PEX7: variants seen among roughly 807,000 people sequenced by gnomAD.
PEX7 encodes the protein PTS2 receptor.
A neutral mutation model predicts 47.5 loss-of-function variants in PEX7; 34 were observed. The observed-to-expected ratio is 0.72, with a 90% CI of 0.54 to 0.95. PEX7 has a LOEUF of 0.95. Among genes scored for constraint, PEX7 ranks in the 40% least tolerant of loss-of-function variants. The pLI, the probability that PEX7 is intolerant of heterozygous loss-of-function variation, is 0.00. For synonymous variants in PEX7, 141 were observed against 148.8 expected, an observed-to-expected ratio of 0.95 and a Z score of 0.38; for missense variants, 394 against 400.3, an observed-to-expected ratio of 0.98 and a Z score of 0.13.
rs544617916 is a variant in PEX7, at chr6:136,846,963, A to G, written c.526+782A>G. The stretch of plus-strand genomic sequence containing the variant: ...ACTAGTTTACAGTCCCACCAACAGT[A>G]TAAAAGTGTTCCTATTTCTCCACAT... On this transcript the variant is annotated intron_variant, in intron 5 of 9. Coordinates refer to ENST00000318471, the MANE Select transcript of PEX7 (RefSeq NM_000288.4). Among the ~76,000 whole-genome samples, 60 of 152,264 alleles carry G rather than the reference A, an allele frequency of 3.9e-4. 1 individual carries two copies. Among genetic ancestry groups the G allele is most frequent in the Admixed American group, 8.5e-4 (13 of 15,282 alleles).
chr6:136,838,056 A>C (rs1774426563), intron 3 of PEX7, among the ~76,000 whole-genome samples: 1 of 152,252 alleles, frequency 6.6e-6, no homozygotes, highest in African/African-American at 2.4e-5. Flanking sequence ...ATAGAGTTCT[A>C]GCTAATAAAT....
chr6:136,890,143 T>TTAA (rs1332135408), intron 8 of PEX7, among the ~76,000 whole-genome samples: 1 of 152,228 alleles, frequency 6.6e-6, no homozygotes, highest in Non-Finnish European at 1.5e-5. Flanking sequence ...TTCTTAGACA[T>TTAA]TGGACTTAAT....
Position 136,883,451 on chromosome 6 carries a change from G to A in PEX7, c.803+11198G>A, listed in dbSNP as rs147209747. On this transcript the variant is annotated intron_variant, in intron 8 of 9. Transcript: ENST00000318471. ...GCTGAACCTTTTTCTGTTTTACACC[G>A]TCGATCATACCTTCCCTTCTGGAAA... 2.0e-3 allele frequency among the ~76,000 whole-genome samples: 301 copies of A among 152,216 alleles called. 3 individuals carry two copies. Among genetic ancestry groups the A allele is most frequent in the African/African-American group, 6.5e-3 (269 of 41,532 alleles).
At chr6:136,872,335 T>G (rs1775198526) in intron 8 of PEX7, 82 bp downstream of exon 8, 2 of 972,568 alleles carry the variant, frequency 2.1e-6, no homozygotes, top group East Asian at 4.8e-5. Context: ...GATAATATGA[T>G]TACTCTTACT....
chr6:136,845,015 G>A (rs892743177), intron 3 of PEX7, among the ~76,000 whole-genome samples: 2 of 152,192 alleles, frequency 1.3e-5, no homozygotes, highest in African/African-American at 4.8e-5. Flanking sequence ...GCAGTGATCT[G>A]TGTATAATCT....
At chr6:136,907,012 C>A (rs1250919420) in intron 9 of PEX7, among the ~76,000 whole-genome samples, 2 of 152,130 alleles carry the variant, frequency 1.3e-5, no homozygotes. Flanking sequence ...TCCTCTATTG[C>A]AGAACAATTA....
intron 8 of PEX7, among the ~76,000 whole-genome samples, chr6:136,890,259 T>G (rs1331545277): frequency 2.0e-5 from 3 of 152,262 alleles, no homozygotes; most frequent in Non-Finnish European, 4.4e-5. Context: ...TTATTTACAG[T>G]ATGTGTGTCT....
rs577953653 is a variant in PEX7 at position 136,823,483 on chromosome 6, G to A, written c.130+688G>A. On this transcript the variant is annotated intron_variant, in intron 1 of 9. Coordinates refer to ENST00000318471, the MANE Select transcript of PEX7 (RefSeq NM_000288.4). ...TGAGGCGGGAGGATCGCTTGAGCCC[G>A]GGATGTTGAGGCTACAATGAGCTGA... 26 of 327,410 alleles carry A rather than the reference G, an allele frequency of 7.9e-5. No homozygotes were observed. In the Admixed American group the frequency reaches 1.2e-3, roughly 15 times the overall value. 20.3% of individuals were successfully genotyped at this position (327,410 alleles called of 1,614,324 possible). A position where few individuals can be genotyped will look rare whatever the true frequency, so the allele number is the denominator to read the frequency against.
At chr6:136,856,978 T>A (rs550886676) in intron 5 of PEX7, among the ~76,000 whole-genome samples, 1 of 152,356 alleles carries the variant, frequency 6.6e-6, no homozygotes, top group East Asian at 1.9e-4. Context: ...TTTTCAAACA[T>A]TTGCCATTTT....
intron 3 of PEX7, among the ~76,000 whole-genome samples, chr6:136,842,392 A>G (rs949010647): frequency 2.6e-5 from 4 of 152,210 alleles, no homozygotes; most frequent in African/African-American, 9.7e-5. Flanking sequence ...TTGGTTGTGC[A>G]ACAGAAGACA....
At chr6:136,842,924 A>G (rs956235572) in intron 3 of PEX7, among the ~76,000 whole-genome samples, 1 of 152,186 alleles carries the variant, frequency 6.6e-6, no homozygotes, top group Non-Finnish European at 1.5e-5. Flanking sequence ...GAAATTCACA[A>G]GTGGAGAGGG....
intron 8 of PEX7, among the ~76,000 whole-genome samples, chr6:136,878,269 C>T (rs908915766): frequency 4.6e-5 from 7 of 152,166 alleles, no homozygotes; most frequent in African/African-American, 1.7e-4. Flanking sequence ...ATTTGACTTC[C>T]TCTCTTCCTA....
At chr6:136,893,411 C>T (rs950434112) in intron 8 of PEX7, among the ~76,000 whole-genome samples, 6 of 152,194 alleles carry the variant, frequency 3.9e-5, no homozygotes, top group African/African-American at 1.4e-4. Flanking sequence ...ATCTGCAGCT[C>T]AGATGTCACT....
chr6:136,892,041 G>T (rs1023243127), intron 8 of PEX7, among the ~76,000 whole-genome samples: 1 of 152,204 alleles, frequency 6.6e-6, no homozygotes, highest in East Asian at 1.9e-4. Flanking sequence ...AGTGATTATA[G>T]AAAGAGAGTT....
intron 1 of PEX7, 47 bp downstream of exon 1, chr6:136,822,842 G>GGGGGTC (rs1774105532): frequency 1.5e-5 from 19 of 1,231,620 alleles, no homozygotes; most frequent in Non-Finnish European, 1.9e-5. Context: ...AGGCGGAGGC[G>GGGGGTC]GGGGCCAGCC....
intron 8 of PEX7, among the ~76,000 whole-genome samples, chr6:136,891,368 C>A (rs1388504949): frequency 6.6e-6 from 1 of 152,172 alleles, no homozygotes; most frequent in Admixed American, 6.5e-5. Context: ...CATATGTAAC[C>A]TTCAAAGTTT....
In PEX7 at chr6:136,866,612, C is replaced by T. The variant is rs771346363; in HGVS notation, c.527-15C>T. On this transcript the variant is annotated splice_polypyrimidine_tract_variant and intron_variant, in intron 5 of 9. Coordinates refer to ENST00000318471, the MANE Select transcript of PEX7 (RefSeq NM_000288.4). ...GTGGTGTGATGGGAAATGATCAAGT[C>T]TTCCTTTTTACTAGGTGATCAGACT... 1 of 1,606,374 alleles carries T rather than the reference C, an allele frequency of 6.2e-7. No homozygotes were observed. The highest frequency in any genetic ancestry group is 2.2e-5 in the East Asian group (1 of 44,778).
At chr6:136,912,751 G>A (rs181935270) in intron 9 of PEX7, among the ~76,000 whole-genome samples, 84 of 152,260 alleles carry the variant, frequency 5.5e-4, no homozygotes, top group African/African-American at 2.0e-3. Context: ...ATTAAAAAAC[G>A]AGTATATAGA....
At chr6:136,882,067 A>G (rs914575069) in intron 8 of PEX7, among the ~76,000 whole-genome samples, 3 of 151,988 alleles carry the variant, frequency 2.0e-5, no homozygotes, top group Admixed American at 1.3e-4. Flanking sequence ...TATGGCAACT[A>G]GTGATATCTG....
Sources: allele counts gnomAD v4.1 joint callset (sites outside exome capture counted in the v4.1 genomes callset), GRCh38; gene constraint gnomAD v4.1.1; transcripts MANE v1.5; gene names NCBI Gene and HGNC (gene_info 2026-07-23, HGNC 2026-07-21).